Variants in PPP2R2B observed in about 807,000 individuals in gnomAD.
The protein encoded by PPP2R2B is protein phosphatase 2 regulatory subunit Bbeta.
In PPP2R2B, 5 loss-of-function variants were observed where a neutral mutation model predicts 46.0. The ratio of observed to expected loss-of-function variants is 0.11; its 90% CI spans 0.06 to 0.23. The LOEUF (loss-of-function observed/expected upper bound fraction) is 0.23. Ranked by LOEUF, PPP2R2B falls within the 10% of genes least tolerant of loss-of-function variation. The pLI, the probability that PPP2R2B is intolerant of heterozygous loss-of-function variation, is 1.00. For missense variants in PPP2R2B, 367 were observed against 575.0 expected, an observed-to-expected ratio of 0.64 and a Z score of 3.70; for synonymous variants, 215 against 206.7, an observed-to-expected ratio of 1.04 and a Z score of -0.34.
chr5:146,839,818 A>G (rs1364130324), intron 2 of PPP2R2B, among the ~76,000 whole-genome samples: 1 of 152,194 alleles, frequency 6.6e-6, no homozygotes, highest in Non-Finnish European at 1.5e-5. Flanking sequence ...TGCCTTTCTA[A>G]AGGGGCAGAG....
chr5:146,592,794 C>T (rs1770791827), intron 9 of PPP2R2B, among the ~76,000 whole-genome samples, 177 bp downstream of exon 9: 1 of 152,192 alleles, frequency 6.6e-6, no homozygotes, highest in African/African-American at 2.4e-5. Context: ...CTTACTACAT[C>T]CTTCTCTTCT....
At chr5:146,942,998 C>T (rs965375178) in intron 1 of PPP2R2B, among the ~76,000 whole-genome samples, 7 of 152,058 alleles carry the variant, frequency 4.6e-5, no homozygotes, top group Admixed American at 1.3e-4. Context: ...AGGGTTTCAC[C>T]GTGTTAGCCA....
chr5:146,797,306 T>G (rs1239967230), intron 2 of PPP2R2B, among the ~76,000 whole-genome samples: 1 of 152,224 alleles, frequency 6.6e-6, no homozygotes, highest in Non-Finnish European at 1.5e-5. Context: ...ATTGCTAATT[T>G]TTTCATTTCC....
intron 1 of PPP2R2B, among the ~76,000 whole-genome samples, chr5:147,009,542 G>C (rs1046293378): frequency 2.0e-5 from 3 of 152,082 alleles, no homozygotes; most frequent in African/African-American, 7.2e-5. Flanking sequence ...GGATGAGGTG[G>C]AAGGAAAGAT....
chr5:147,057,710 C>T (rs1056015274), upstream of PPP2R2B, among the ~76,000 whole-genome samples: 3 of 152,172 alleles, frequency 2.0e-5, no homozygotes, highest in Non-Finnish European at 4.4e-5. Context: ...AGCTTCTATG[C>T]CATACACCAA....
At chr5:146,794,455 C>T (rs1756397348) in intron 2 of PPP2R2B, among the ~76,000 whole-genome samples, 1 of 152,172 alleles carries the variant, frequency 6.6e-6, no homozygotes. Context: ...AGTGTAATAG[C>T]TTTTAACTTA....
intron 1 of PPP2R2B, among the ~76,000 whole-genome samples, chr5:146,890,030 G>GCA (rs369510399): frequency 6.6e-6 from 1 of 152,174 alleles, no homozygotes; most frequent in Non-Finnish European, 1.5e-5. Context: ...GATCACATCC[G>GCA]CACACACACA....
At chr5:146,994,429 G>T (rs1171145630) in intron 1 of PPP2R2B, among the ~76,000 whole-genome samples, 1 of 152,036 alleles carries the variant, frequency 6.6e-6, no homozygotes. Flanking sequence ...CATGAGAGAC[G>T]ATCCCAGGAA....
chr5:146,863,033 CTT>C (rs34512431), intron 2 of PPP2R2B, among the ~76,000 whole-genome samples: 3 of 143,674 alleles, frequency 2.1e-5, no homozygotes, highest in African/African-American at 2.5e-5. Flanking sequence ...ACTGCTTTTG[CTT>C]TTTTTTTTTT....
Position 146,589,666 on chromosome 5 carries a change from A to G in PPP2R2B, c.*281T>C, listed in dbSNP as rs1250279633. 2 of 388,598 alleles carry G rather than the reference A, an allele frequency of 5.1e-6. No homozygotes were observed. Among genetic ancestry groups the G allele is most frequent in the Non-Finnish European group, 4.6e-6 (1 of 215,478 alleles). 24.1% of individuals were successfully genotyped at this position (388,598 alleles called of 1,614,324 possible). A position where few individuals can be genotyped will look rare whatever the true frequency, so the allele number is the denominator to read the frequency against. ...CAAAACACTGGACCCACCAGAGAAA[A>G]CTGGGCAATAAAAGCATCAGAAGTT... On this transcript the variant is annotated 3_prime_UTR_variant, in exon 10 of 10. Transcript: ENST00000394411.
intron 1 of PPP2R2B, among the ~76,000 whole-genome samples, chr5:146,898,062 G>C (rs536696567): frequency 6.6e-6 from 1 of 152,204 alleles, no homozygotes; most frequent in Non-Finnish European, 1.5e-5. Flanking sequence ...GCAGGAGCCT[G>C]TAATCCCAGA....
intron 7 of PPP2R2B, among the ~76,000 whole-genome samples, chr5:146,630,466 T>G (rs1774350828): frequency 6.6e-6 from 1 of 152,218 alleles, no homozygotes; most frequent in South Asian, 2.1e-4. Context: ...TTTGGTGTTC[T>G]CTTGAAGAGC....
At chr5:146,764,020 C>G (rs752480042) in intron 2 of PPP2R2B, among the ~76,000 whole-genome samples, 1 of 152,074 alleles carries the variant, frequency 6.6e-6, no homozygotes, top group African/African-American at 2.4e-5. Flanking sequence ...AGCCACTGAT[C>G]CTGGCAACAA....
At position 146,874,824 on chromosome 5, in the gene PPP2R2B, G is replaced by GAA. The variant is rs148671641; in HGVS notation, c.70+3176_70+3177dup. On this transcript the variant is annotated intron_variant, in intron 2 of 9. Transcript: ENST00000394411. ...TTAGGAAACCTGGGGTTCCATATCT[G>GAA]AAAAAAAAAATCAAACCATTGTGTT... 1.2e-3 allele frequency among the ~76,000 whole-genome samples: 174 copies of GAA among 149,404 alleles called. 1 individual carries two copies. In the East Asian group the frequency reaches 0.02, roughly 18 times the overall value.
At chr5:146,850,110 G>A (rs920910165) in intron 2 of PPP2R2B, among the ~76,000 whole-genome samples, 7 of 152,186 alleles carry the variant, frequency 4.6e-5, no homozygotes, top group Non-Finnish European at 8.8e-5. Flanking sequence ...CTGGGTAAGC[G>A]TGTGTGGGTG....
rs184897518 is a variant in PPP2R2B, at chr5:146,717,076, C to G, written c.71-15934G>C. On this transcript the variant is annotated intron_variant, in intron 2 of 9. Coordinates refer to ENST00000394411, the MANE Select transcript of PPP2R2B (RefSeq NM_181675.4). ...CTTTGGGTTTATGTAATGCACATGA[C>G]AGCTCTCTGCTTAGCTTAAAGTCAC... Among the ~76,000 whole-genome samples the G allele has an allele frequency of 2.2e-3, 340 of 152,326 alleles. 2 individuals are homozygous for G. The highest frequency in any genetic ancestry group is 7.6e-3 in the African/African-American group (316 of 41,580).
In PPP2R2B at chr5:146,830,434, G is replaced by A. The variant is rs575636919; in HGVS notation, c.70+47568C>T. 3.3e-5 allele frequency among the ~76,000 whole-genome samples: 5 copies of A among 151,992 alleles called. No individual in the cohort carries two copies. The East Asian group carries it at 5.8e-4, about 18-fold the overall frequency. ...ATATAAAGCCCAACCAACAGTACCCGAACCTTAAATGTTACCTCACTCTTC... is the reference window on the plus strand; with the variant it reads ...ATATAAAGCCCAACCAACAGTACCCAAACCTTAAATGTTACCTCACTCTTC... On this transcript the variant is annotated intron_variant, in intron 2 of 9. Coordinates refer to ENST00000394411, the MANE Select transcript of PPP2R2B (RefSeq NM_181675.4).
chr5:146,671,290 G>A (rs982808276), intron 5 of PPP2R2B, among the ~76,000 whole-genome samples: 5 of 152,066 alleles, frequency 3.3e-5, no homozygotes, highest in African/African-American at 4.8e-5. Context: ...GCAAAATATT[G>A]GGTCTTGAGA....
intron 2 of PPP2R2B, among the ~76,000 whole-genome samples, chr5:147,079,445 C>CATATATATATATATAT (rs58393815): frequency 3.9e-4 from 52 of 132,290 alleles, no homozygotes; most frequent in Middle Eastern, 4.2e-3. Context: ...TATATATATA[C>CATATATATATATATAT]ATATATATAT....
Sources: allele counts gnomAD v4.1 joint callset (sites outside exome capture counted in the v4.1 genomes callset), GRCh38; gene constraint gnomAD v4.1.1; transcripts MANE v1.5; gene names NCBI Gene and HGNC (gene_info 2026-07-23, HGNC 2026-07-21).